Variants in PDE10A observed in about 807,000 individuals in gnomAD.
PDE10A encodes the protein phosphodiesterase 10A.
Under a neutral mutation model 97.7 loss-of-function variants are expected in PDE10A, and 39 were observed. That is an observed-to-expected ratio of 0.40 (90% confidence interval 0.31 to 0.52). The LOEUF (loss-of-function observed/expected upper bound fraction) is 0.52. PDE10A is among the 20% of genes least tolerant of loss of function. The pLI, the probability that PDE10A is intolerant of heterozygous loss-of-function variation, is 0.56. For missense variants in PDE10A, 731 were observed against 1,047.8 expected (o/e 0.70, Z 4.17); for synonymous variants, 371 against 376.8 (o/e 0.98, Z 0.18).
intron 1 of PDE10A, among the ~76,000 whole-genome samples, chr6:165,561,946 G>GT (rs1562582723): frequency 6.6e-6 from 1 of 152,078 alleles, no homozygotes; most frequent in East Asian, 1.9e-4. Context: ...ATAAGAGAAA[G>GT]TTTTTTTAAA....
intron 2 of PDE10A, among the ~76,000 whole-genome samples, chr6:165,499,224 C>A (rs1230217445): frequency 6.6e-6 from 1 of 152,132 alleles, no homozygotes; most frequent in African/African-American, 2.4e-5. Context: ...ACCAGGGGAC[C>A]AGCAGCAGAG....
At chr6:165,986,965 G>C (rs1315640043) in intron 1 of PDE10A, among the ~76,000 whole-genome samples, 1 of 11,464 alleles carries the variant, frequency 8.7e-5, no homozygotes, top group Non-Finnish European at 1.4e-4. Flanking sequence ...TTGCAGAAGA[G>C]ACTGGGGAGG....
At chr6:165,432,846 A>T in intron 7 of PDE10A, 128 bp downstream of exon 7, 1 of 684,818 alleles carries the variant, frequency 1.5e-6, no homozygotes, top group Non-Finnish European at 2.5e-6. Flanking sequence ...AAACACTGTT[A>T]AGCAAATTGT....
upstream of PDE10A, among the ~76,000 whole-genome samples, chr6:165,667,640 CTT>C (rs781734434): frequency 1.6e-5 from 2 of 128,986 alleles, no homozygotes. Flanking sequence ...ATGTGTGTTT[CTT>C]TTTTTTTTTT....
intron 1 of PDE10A, among the ~76,000 whole-genome samples, chr6:165,745,076 T>C (rs2128454331): frequency 6.6e-6 from 1 of 152,364 alleles, no homozygotes; most frequent in East Asian, 1.9e-4. Flanking sequence ...TAGCAGTTGG[T>C]ATTTTAATTT....
intron 1 of PDE10A, among the ~76,000 whole-genome samples, chr6:165,965,050 C>T (rs948034945): frequency 2.0e-5 from 3 of 152,164 alleles, no homozygotes; most frequent in Admixed American, 6.5e-5. Context: ...TTGACCCTGA[C>T]GGCCACCCAG....
intron 1 of PDE10A, among the ~76,000 whole-genome samples, chr6:165,767,917 C>T (rs1777905807): frequency 6.6e-6 from 1 of 152,150 alleles, no homozygotes; most frequent in South Asian, 2.1e-4. Flanking sequence ...CTAATTTCTC[C>T]ACATGTTTGC....
intron 1 of PDE10A, among the ~76,000 whole-genome samples, chr6:165,681,289 A>T (rs1562681579): frequency 1.3e-5 from 2 of 152,222 alleles, no homozygotes; most frequent in Non-Finnish European, 2.9e-5. Flanking sequence ...CTGTTTCCTA[A>T]TACTTAGTTT....
intron 17 of PDE10A, among the ~76,000 whole-genome samples, chr6:165,381,631 ATTTTTT>A (rs547827126): frequency 1.0e-4 from 12 of 118,658 alleles, no homozygotes; most frequent in Non-Finnish European, 1.7e-4. Flanking sequence ...CACCTGGCTA[ATTTTTT>A]TTTTTTTTTT....
chr6:165,782,873 C>G (rs1778380828), intron 1 of PDE10A, among the ~76,000 whole-genome samples: 2 of 152,086 alleles, frequency 1.3e-5, no homozygotes, highest in African/African-American at 4.8e-5. Flanking sequence ...TGTATGGGAA[C>G]CGTGTGTGAT....
chr6:165,349,963 G>A (rs1782588929), intron 18 of PDE10A, among the ~76,000 whole-genome samples: 1 of 152,222 alleles, frequency 6.6e-6, no homozygotes, highest in Non-Finnish European at 1.5e-5. Flanking sequence ...CCAGGCAGAA[G>A]TTTGCTGCAG....
At chr6:165,409,588 G>A (rs568495217) in intron 13 of PDE10A, 16 of 163,978 alleles carry the variant, frequency 9.8e-5, no homozygotes, top group Non-Finnish European at 1.8e-4. Context: ...CCCTGAACGC[G>A]CCCGATCTCG....
intron 1 of PDE10A, among the ~76,000 whole-genome samples, chr6:165,809,431 GT>G (rs1030113128): frequency 4.6e-5 from 7 of 152,236 alleles, no homozygotes; most frequent in African/African-American, 1.7e-4. Context: ...CTGCTCCTTT[GT>G]TTTCCCTCCA....
At chr6:165,712,455 T>C (rs890204442) in intron 1 of PDE10A, among the ~76,000 whole-genome samples, 1 of 152,084 alleles carries the variant, frequency 6.6e-6, no homozygotes, top group Non-Finnish European at 1.5e-5. Context: ...CTCTGTGCTG[T>C]TTGCTCAGCT....
rs1792798737 is a variant in PDE10A, at chr6:165,744,429, A to G, written c.-614-200861T>C. ...TATTTGTATTATACCTTTCATGTTT[A>G]ATTCTAAATTGTTTTGAAGTTTGTA... On this transcript the variant is annotated intron_variant, in intron 1 of 19. Coordinates refer to the PDE10A transcript ENST00000366882. Among the ~76,000 whole-genome samples the G allele has an allele frequency of 3.9e-5, 6 of 152,310 alleles. No individual in the cohort carries two copies. In the South Asian group the frequency reaches 1.2e-3, roughly 32 times the overall value.
At chr6:165,629,568 C>T (rs1351571741) in intron 1 of PDE10A, among the ~76,000 whole-genome samples, 1 of 147,140 alleles carries the variant, frequency 6.8e-6, no homozygotes, top group Non-Finnish European at 1.5e-5. Context: ...CTTTGTCACC[C>T]AGGCTGGAGT....
intron 1 of PDE10A, among the ~76,000 whole-genome samples, chr6:165,684,695 A>G (rs1169012683): frequency 6.6e-6 from 1 of 152,232 alleles, no homozygotes; most frequent in Non-Finnish European, 1.5e-5. Context: ...TTTTTGTGAT[A>G]TTTCCCCACA....
intron 13 of PDE10A, among the ~76,000 whole-genome samples, chr6:165,405,841 G>T (rs960283726): frequency 6.6e-6 from 1 of 152,166 alleles, no homozygotes; most frequent in African/African-American, 2.4e-5. Context: ...CAGAGCAGGC[G>T]CTTTTGGAAA....
chr6:165,412,315 A>G (rs897060433), intron 13 of PDE10A, among the ~76,000 whole-genome samples: 5 of 152,184 alleles, frequency 3.3e-5, no homozygotes, highest in African/African-American at 1.2e-4. Flanking sequence ...GTTTTTTAAT[A>G]TATTATAATA....
Sources: gnomAD v4.1 joint callset for allele counts (sites outside exome capture counted in the v4.1 genomes callset) on GRCh38, gnomAD v4.1.1 for gene constraint, MANE v1.5 for transcripts, NCBI Gene and HGNC (gene_info 2026-07-23, HGNC 2026-07-21) for gene names.